The following AUTS2 variants were observed in gnomAD, a reference collection of about 807,000 sequenced individuals.
The protein encoded by AUTS2 is autism susceptibility gene 2 protein.
Under a neutral mutation model 112.4 loss-of-function variants are expected in AUTS2, and 17 were observed. That is an observed-to-expected ratio of 0.15 (90% confidence interval 0.10 to 0.23). AUTS2 has a LOEUF of 0.23. AUTS2 is among the 10% of genes least tolerant of loss of function. The pLI is 1.00. For synonymous variants in AUTS2, 751 were observed against 702.7 expected (o/e 1.07, Z -1.09); for missense variants, 1,510 against 1,701.6 (o/e 0.89, Z 1.98).
intron 5 of AUTS2, among the ~76,000 whole-genome samples, chr7:70,484,652 G>A (rs907156094): frequency 3.3e-5 from 5 of 152,184 alleles, no homozygotes; most frequent in Admixed American, 2.6e-4. Context: ...TTAGAGGCAA[G>A]CAGTGTGGTA....
rs149116660 is a variant in AUTS2 at position 70,579,878 on chromosome 7, A to G, written c.691-118691A>G. Among the ~76,000 whole-genome samples the G allele has an allele frequency of 2.0e-3, 308 of 152,296 alleles. 1 individual carries two copies. Among genetic ancestry groups the G allele is most frequent in the African/African-American group, 7.0e-3 (291 of 41,554 alleles). On this transcript the variant is annotated intron_variant, in intron 5 of 18. Transcript: ENST00000342771. Reference sequence around the variant, plus strand: ...GGGGAGAATCTGCCCCTAAGCCACCATTTCCTTCCACTTCAAACATGATTC... The same window carrying G: ...GGGGAGAATCTGCCCCTAAGCCACCGTTTCCTTCCACTTCAAACATGATTC...
intron 16 of AUTS2, 131 bp downstream of exon 16, chr7:70,785,150 G>C: frequency 1.2e-6 from 1 of 849,152 alleles, no homozygotes; most frequent in South Asian, 1.5e-5. Flanking sequence ...TTAGGCAGGA[G>C]ATGGTGCTCT....
chr7:70,724,352 C>T (rs541325759), intron 6 of AUTS2, among the ~76,000 whole-genome samples: 1 of 150,960 alleles, frequency 6.6e-6, no homozygotes, highest in African/African-American at 2.4e-5. Flanking sequence ...ACTAGATTCT[C>T]TGTTTTATAG....
chr7:69,721,963 T>C (rs1798969351), intron 1 of AUTS2, among the ~76,000 whole-genome samples: 1 of 151,972 alleles, frequency 6.6e-6, no homozygotes, highest in Non-Finnish European at 1.5e-5. Flanking sequence ...TGAGATCTGA[T>C]TGGTAAAGTT....
intron 2 of AUTS2, among the ~76,000 whole-genome samples, chr7:70,021,776 G>A (rs918798341): frequency 4.6e-5 from 7 of 152,050 alleles, no homozygotes; most frequent in Non-Finnish European, 7.4e-5. Context: ...TGTTTAAGAA[G>A]GTTACCCAAA....
At chr7:70,340,349 C>T (rs976453125) in intron 4 of AUTS2, among the ~76,000 whole-genome samples, 1 of 151,788 alleles carries the variant, frequency 6.6e-6, no homozygotes, top group Non-Finnish European at 1.5e-5. Flanking sequence ...TTTCGCAAAC[C>T]TTATTTATAA....
chr7:70,141,135 G>A (rs1004044701), intron 4 of AUTS2, among the ~76,000 whole-genome samples: 4 of 152,118 alleles, frequency 2.6e-5, no homozygotes, highest in Non-Finnish European at 5.9e-5. Context: ...CAAGTTTGAG[G>A]CAGGGGGAGC....
intron 1 of AUTS2, among the ~76,000 whole-genome samples, chr7:69,895,686 G>A (rs562758434): frequency 6.6e-6 from 1 of 152,170 alleles, no homozygotes; most frequent in Non-Finnish European, 1.5e-5. Flanking sequence ...GCAGTGCAGT[G>A]AGAATTCCTT....
chr7:69,634,036 T>C (rs1374400998), intron 1 of AUTS2, among the ~76,000 whole-genome samples: 1 of 152,210 alleles, frequency 6.6e-6, no homozygotes, highest in Non-Finnish European at 1.5e-5. Flanking sequence ...TCCAGGAGTT[T>C]TTCCCCTGTA....
In AUTS2 at chr7:70,790,050, G is replaced by A. The variant is rs756314192; in HGVS notation, c.2834G>A (p.Arg945Gln). ...QLARVPSPYV[R>Q]TPVVESARPN... ...GCCCGGGTGCCGTCTCCCTACGTGCGGACCCCGGTGGTGGAGAGTGCCAGG... is the reference window on the plus strand; with the variant it reads ...GCCCGGGTGCCGTCTCCCTACGTGCAGACCCCGGTGGTGGAGAGTGCCAGG... The change falls in exon 19 of 19, where the codon CGG (arginine) becomes CAG (glutamine). Residue 945 changes from arginine to glutamine, a missense_variant. This residue lies in a region of AUTS2 where 788 missense variants were observed against 797.6 expected (regional missense o/e 0.99). Coordinates refer to ENST00000342771, the MANE Select transcript of AUTS2 (RefSeq NM_015570.4). This position sits in a 1 kb window ranked among gnomAD's most constrained non-coding sequence, Gnocchi z 7.6. 70 of 1,577,620 alleles carry A rather than the reference G, an allele frequency of 4.4e-5. No individual in the cohort carries two copies. Among genetic ancestry groups the A allele is most frequent in the Non-Finnish European group, 5.2e-5 (61 of 1,163,378 alleles).
chr7:70,270,731 A>C (rs563121081), intron 4 of AUTS2, among the ~76,000 whole-genome samples: 77 of 152,264 alleles, frequency 5.1e-4, no homozygotes, highest in African/African-American at 1.7e-3. Context: ...TGCTTCTCAC[A>C]TTGCTAAATA....
chr7:70,327,491 C>T (rs1052718193), intron 4 of AUTS2, among the ~76,000 whole-genome samples: 3 of 152,142 alleles, frequency 2.0e-5, no homozygotes, highest in African/African-American at 4.8e-5. Flanking sequence ...AAGAAATTTG[C>T]CTTGAGAATA....
intron 6 of AUTS2, among the ~76,000 whole-genome samples, chr7:70,721,359 C>G (rs1317530440): frequency 6.6e-6 from 1 of 151,120 alleles, no homozygotes; most frequent in Non-Finnish European, 1.5e-5. Context: ...AGTGCAATGG[C>G]ATGATCTCAG....
chr7:69,977,524 C>T (rs1798110121), intron 2 of AUTS2, among the ~76,000 whole-genome samples: 1 of 152,174 alleles, frequency 6.6e-6, no homozygotes, highest in African/African-American at 2.4e-5. Flanking sequence ...ATTTGTGGTA[C>T]TATGGACATT....
intron 4 of AUTS2, among the ~76,000 whole-genome samples, chr7:70,356,740 G>C (rs1310582615): frequency 6.6e-6 from 1 of 151,060 alleles, no homozygotes; most frequent in Non-Finnish European, 1.5e-5. Flanking sequence ...GGACCCTAGT[G>C]AGTTTTGTAC....
intron 2 of AUTS2, among the ~76,000 whole-genome samples, chr7:70,045,488 T>G (rs191149496): frequency 4.9e-4 from 74 of 152,218 alleles, no homozygotes; most frequent in Non-Finnish European, 8.4e-4. Context: ...TCATCAAAAT[T>G]AATTTTATAC....
intron 5 of AUTS2, among the ~76,000 whole-genome samples, chr7:70,548,349 T>G (rs1215921625): frequency 6.6e-6 from 1 of 152,194 alleles, no homozygotes; most frequent in Non-Finnish European, 1.5e-5. Context: ...TGCAAATATT[T>G]TCTCCCAGTC....
chr7:70,783,659 T>C (rs1791243560), intron 15 of AUTS2: 2 of 152,234 alleles, frequency 1.3e-5, no homozygotes, highest in Admixed American at 6.5e-5. Flanking sequence ...CTGCCCAAAA[T>C]AGTTATTTGG....
chr7:69,932,323 T>C (rs935413508), intron 2 of AUTS2, among the ~76,000 whole-genome samples: 4 of 152,172 alleles, frequency 2.6e-5, no homozygotes, highest in African/African-American at 9.7e-5. Context: ...CAAGTATAGA[T>C]TGGATTTCAG....
Sources: allele counts gnomAD v4.1 joint callset (sites outside exome capture counted in the v4.1 genomes callset), GRCh38; gene constraint gnomAD v4.1.1; regional missense constraint gnomAD v4.1.1; non-coding constraint Gnocchi (gnomAD v3.1); transcripts MANE v1.5; gene names NCBI Gene and HGNC (gene_info 2026-07-23, HGNC 2026-07-21).